The following TCF12 variants were observed in gnomAD, a reference collection of about 807,000 sequenced individuals.
TCF12 encodes DNA-binding protein HTF4.
Under a neutral mutation model 86.0 loss-of-function variants are expected in TCF12, and 45 were observed. The observed-to-expected ratio is 0.52, with a 90% confidence interval of 0.41 to 0.67. The LOEUF (loss-of-function observed/expected upper bound fraction) is 0.67, where lower values mean the gene tolerates loss of function less well. Among genes scored for constraint, TCF12 ranks in the 30% least tolerant of loss-of-function variants. The pLI is 0.00. For synonymous variants in TCF12, 330 were observed against 299.6 expected, an observed-to-expected ratio of 1.10 and a Z score of -1.05; for missense variants, 881 against 859.9, an observed-to-expected ratio of 1.02 and a Z score of -0.31.
intron 3 of TCF12, among the ~76,000 whole-genome samples, chr15:57,006,921 A>G (rs17239040): frequency 0.39 from 58,800 of 152,002 alleles, 14,169 homozygotes; most frequent in Non-Finnish European, 0.53. Flanking sequence ...ATCTCAAACA[A>G]TAACAGCAGC....
chr15:57,113,877 GC>G lies in TCF12; in HGVS notation c.325+21989del, dbSNP rs557092631. Among the ~76,000 whole-genome samples, 236 of 152,068 alleles carry G rather than the reference GC, an allele frequency of 1.6e-3. 1 individual carries two copies. The highest frequency in any genetic ancestry group is 5.4e-3 in the African/African-American group (226 of 41,482). ...AATCTGAGACAGGAGGATAGCTTGA[GC>G]CCAGGAGGTAGAGGCTGGAGTAAGC... On this transcript the variant is annotated intron_variant, in intron 5 of 20. Transcript: ENST00000333725.
chr15:57,194,561 A>G (rs774752496), intron 7 of TCF12, among the ~76,000 whole-genome samples: 4 of 152,234 alleles, frequency 2.6e-5, no homozygotes, highest in African/African-American at 4.8e-5. Flanking sequence ...GATGATCTGC[A>G]TCAACCTCAG....
At chr15:57,119,883 A>G (rs2151284534) in intron 5 of TCF12, among the ~76,000 whole-genome samples, 1 of 152,250 alleles carries the variant, frequency 6.6e-6, no homozygotes, top group East Asian at 1.9e-4. Context: ...TGGACCACCA[A>G]CCTTGTTTCT....
intron 5 of TCF12, among the ~76,000 whole-genome samples, chr15:57,150,882 CCTT>C (rs2053695055): frequency 1.5e-5 from 1 of 65,338 alleles, no homozygotes; most frequent in Non-Finnish European, 2.7e-5. Flanking sequence ...TCCCTTCCTT[CCTT>C]CCTTCCTTCC....
chr15:57,271,101 G>T (rs896505110), intron 18 of TCF12, among the ~76,000 whole-genome samples: 1 of 152,148 alleles, frequency 6.6e-6, no homozygotes, highest in African/African-American at 2.4e-5. Context: ...TTCTCTTCAG[G>T]GCTGTCAGGC....
At chr15:57,182,043 A>G (rs1171041959) in intron 6 of TCF12, among the ~76,000 whole-genome samples, 1 of 152,206 alleles carries the variant, frequency 6.6e-6, no homozygotes, top group East Asian at 1.9e-4. Context: ...TCAGAATACT[A>G]ATTCTTTCTT....
chr15:57,138,796 G>A (rs1448632214), intron 5 of TCF12, among the ~76,000 whole-genome samples: 1 of 152,158 alleles, frequency 6.6e-6, no homozygotes, highest in African/African-American at 2.4e-5. Context: ...AAGCCATTAT[G>A]TAGTCATTTC....
intron 19 of TCF12, among the ~76,000 whole-genome samples, chr15:57,274,994 T>G (rs1305816343): frequency 6.6e-6 from 1 of 152,206 alleles, no homozygotes; most frequent in African/African-American, 2.4e-5. Context: ...TAGATGGACC[T>G]TATTCATTTG....
At chr15:56,994,606 A>G (rs369507264) in intron 3 of TCF12, among the ~76,000 whole-genome samples, 6 of 152,124 alleles carry the variant, frequency 3.9e-5, no homozygotes, top group South Asian at 2.1e-4. Context: ...GGGGGGAGCA[A>G]TGATTCTAAT....
intron 5 of TCF12, among the ~76,000 whole-genome samples, chr15:57,108,859 C>T (rs564506646): frequency 4.3e-4 from 65 of 152,214 alleles, no homozygotes; most frequent in African/African-American, 1.5e-3. Flanking sequence ...AATATACTTT[C>T]CTCTGTGTTG....
chr15:57,273,402 C>G (rs2061236533), intron 19 of TCF12, 140 bp downstream of exon 19: 1 of 802,660 alleles, frequency 1.2e-6, no homozygotes, highest in African/African-American at 1.8e-5. Flanking sequence ...GGTCGTTTTT[C>G]CTGTAATTCT....
chr15:57,009,778 G>A (rs1372971008), intron 3 of TCF12, among the ~76,000 whole-genome samples: 1 of 152,166 alleles, frequency 6.6e-6, no homozygotes. Flanking sequence ...CACAGGTGAT[G>A]TCCTTTTTGT....
chr15:57,165,040 A>T (rs535173063), intron 5 of TCF12, among the ~76,000 whole-genome samples: 1 of 152,300 alleles, frequency 6.6e-6, no homozygotes, highest in East Asian at 1.9e-4. Context: ...GACTTCTGAG[A>T]ATAATAAGGC....
rs1246703873 is a variant in TCF12, at chr15:57,136,958, GTTTTTTTTTTTGTTTTTT to G, written c.326-29432_326-29415del. ...TAGACAATAGCCACTGCTTCTGGCA[GTTTTTTTTTTTGTTTTTT>G]TTTTTTTTTTTTTTTTTTTTTGAGA... On this transcript the variant is annotated intron_variant, in intron 5 of 20. Transcript: ENST00000333725. Among the ~76,000 whole-genome samples the G allele has an allele frequency of 3.6e-3, 298 of 83,024 alleles. 19 individuals carry two copies. Among genetic ancestry groups the G allele is most frequent in the African/African-American group, 0.012 (249 of 20,782 alleles). The allele number at this position is 83,024 out of a possible 152,430, so 54.5% of individuals were successfully genotyped here.
intron 3 of TCF12, among the ~76,000 whole-genome samples, chr15:57,050,718 G>A (rs1171313196): frequency 6.6e-6 from 1 of 151,736 alleles, no homozygotes; most frequent in East Asian, 1.9e-4. Flanking sequence ...ATTATTTTTT[G>A]TGCTTTAATA....
chr15:57,269,823 T>A (rs1419389773), intron 18 of TCF12, among the ~76,000 whole-genome samples: 1 of 152,152 alleles, frequency 6.6e-6, no homozygotes, highest in Non-Finnish European at 1.5e-5. Context: ...GAAACTTAGT[T>A]TGGCTGGATA....
intron 4 of TCF12, among the ~76,000 whole-genome samples, chr15:57,076,097 C>T (rs555056155): frequency 2.0e-5 from 3 of 151,638 alleles, no homozygotes; most frequent in African/African-American, 7.3e-5. Context: ...CTCAAGTGAT[C>T]CTCCTGCCTT....
At chr15:57,079,872 T>C (rs1227406093) in intron 4 of TCF12, among the ~76,000 whole-genome samples, 1 of 152,216 alleles carries the variant, frequency 6.6e-6, no homozygotes, top group Non-Finnish European at 1.5e-5. Flanking sequence ...AGAGATATTT[T>C]CTTTAAATAA....
intron 5 of TCF12, among the ~76,000 whole-genome samples, chr15:57,106,843 T>A (rs2050164203): frequency 6.6e-6 from 1 of 152,192 alleles, no homozygotes; most frequent in Non-Finnish European, 1.5e-5. Flanking sequence ...AATTAAGGAA[T>A]TGTAAATTTA....
Sources: gnomAD v4.1 joint callset for allele counts (sites outside exome capture counted in the v4.1 genomes callset) on GRCh38, gnomAD v4.1.1 for gene constraint, MANE v1.5 for transcripts, NCBI Gene and HGNC (gene_info 2026-07-23, HGNC 2026-07-21) for gene names.